VRK2: variants seen among roughly 807,000 people sequenced by gnomAD.
VRK2 encodes the protein VRK serine/threonine kinase 2.
In VRK2, 60 loss-of-function variants were observed where a neutral mutation model predicts 57.6. The ratio of observed to expected loss-of-function variants is 1.04; its 90% CI spans 0.85 to 1.29. VRK2 has a LOEUF of 1.29. Ranked by LOEUF, VRK2 falls within the 50% of genes most tolerant of loss-of-function variation. VRK2 has a pLI of 0.00. For missense variants in VRK2, 705 were observed against 588.1 expected (o/e 1.20, Z -2.06); for synonymous variants, 231 against 199.2 (o/e 1.16, Z -1.35).
intron 11 of VRK2, among the ~76,000 whole-genome samples, chr2:58,143,358 C>A (rs888709580): frequency 1.3e-5 from 2 of 151,834 alleles, no homozygotes; most frequent in African/African-American, 4.8e-5. Flanking sequence ...AAGGGATGCC[C>A]AGGGTGTTTT....
In VRK2 at chr2:58,159,408, C is replaced by T; in HGVS notation, c.1242C>T (p.Asn414=). ...QESQEPLNEV[N]SFPQKISYTQ... is the part of the protein sequence containing the mutation. Reference sequence around the variant, plus strand: ...CTCAAGAACCTTTGAATGAAGTAAACAGTTTCCCACAAAAAATCAGCTATA... The same window carrying T: ...CTCAAGAACCTTTGAATGAAGTAAATAGTTTCCCACAAAAAATCAGCTATA... Residue 414 remains asparagine (N), a synonymous_variant, in exon 13 of 13, where the codon AAC becomes AAT. Transcript: ENST00000340157. 1 of 1,613,400 alleles carries T rather than the reference C, an allele frequency of 6.2e-7. No homozygotes were observed. Among genetic ancestry groups the T allele is most frequent in the Non-Finnish European group, 8.5e-7 (1 of 1,179,668 alleles).
chr2:58,128,842 T>C (rs1202224474), intron 8 of VRK2, among the ~76,000 whole-genome samples: 2 of 152,240 alleles, frequency 1.3e-5, no homozygotes, highest in Non-Finnish European at 2.9e-5. Flanking sequence ...GTGCCAGGCA[T>C]AGTAGCGGCT....
intron 1 of VRK2, among the ~76,000 whole-genome samples, chr2:57,936,531 G>GTTTTTTTTTTTTTTTTTGT (rs539088139): frequency 7.4e-5 from 10 of 134,972 alleles, no homozygotes; most frequent in South Asian, 2.3e-4. Flanking sequence ...TTGTTTTTTT[G>GTTTTTTTTTTTTTTTTTGT]TTTTTTTTTT....
chr2:57,975,745 G>A (rs1243853920), intron 1 of VRK2, among the ~76,000 whole-genome samples: 2 of 151,334 alleles, frequency 1.3e-5, no homozygotes, highest in African/African-American at 4.9e-5. Context: ...GCCATATTTG[G>A]TTTTCTCTCT....
At chr2:57,928,083 G>A (rs749739486) in intron 1 of VRK2, among the ~76,000 whole-genome samples, 1 of 152,082 alleles carries the variant, frequency 6.6e-6, no homozygotes, top group South Asian at 2.1e-4. Flanking sequence ...CTAGGCTTGG[G>A]AAGTTCTCAG....
intron 1 of VRK2, among the ~76,000 whole-genome samples, chr2:58,005,219 C>A (rs534485951): frequency 1.4e-4 from 21 of 152,184 alleles, no homozygotes; most frequent in African/African-American, 5.1e-4. Flanking sequence ...CATGTTTACA[C>A]AGGGATTAAA....
chr2:58,154,624 T>A (rs1683515544), intron 12 of VRK2: 1 of 639,650 alleles, frequency 1.6e-6, no homozygotes, highest in African/African-American at 1.8e-5. Context: ...CGGTTCAATG[T>A]ATTTTTTAAT....
chr2:58,040,054 G>A (rs557876237), intron 3 of VRK2, among the ~76,000 whole-genome samples: 1 of 151,856 alleles, frequency 6.6e-6, no homozygotes, highest in Admixed American at 6.6e-5. Context: ...TGGGAATACA[G>A]GCACACACTA....
upstream of VRK2, chr2:58,046,717 A>G: frequency 1.0e-6 from 1 of 985,528 alleles, no homozygotes; most frequent in South Asian, 4.7e-5. Context: ...AGGCCGACGC[A>G]GCTGGAGAGA....
intron 1 of VRK2, chr2:58,047,249 T>C (rs927944634): frequency 4.3e-5 from 13 of 305,872 alleles, no homozygotes; most frequent in Admixed American, 1.3e-4. Context: ...TGGGCCGCGC[T>C]GCTTCTCGTT....
chr2:58,137,086 A>G (rs1242003133), intron 10 of VRK2, among the ~76,000 whole-genome samples: 2 of 121,586 alleles, frequency 1.6e-5, no homozygotes, highest in Non-Finnish European at 3.2e-5. Context: ...TAACATATAT[A>G]TGTGTATATA....
chr2:57,916,477 A>AT (rs1220681819), intron 1 of VRK2, among the ~76,000 whole-genome samples: 1 of 151,784 alleles, frequency 6.6e-6, no homozygotes, highest in Non-Finnish European at 1.5e-5. Context: ...AAACAACTGC[A>AT]TTTAACTTCA....
intron 10 of VRK2, among the ~76,000 whole-genome samples, chr2:58,136,883 C>T (rs1334340863): frequency 1.5e-4 from 15 of 98,624 alleles, no homozygotes; most frequent in Admixed American, 1.2e-3. Context: ...TATATTATAT[C>T]ATATATATGT....
intron 2 of VRK2, among the ~76,000 whole-genome samples, chr2:58,030,126 T>G (rs1356217872): frequency 6.6e-6 from 1 of 152,110 alleles, no homozygotes; most frequent in Non-Finnish European, 1.5e-5. Flanking sequence ...TGCTGTATTT[T>G]AGATTGTCTG....
chr2:57,938,560 G>C (rs1670992251), intron 1 of VRK2, among the ~76,000 whole-genome samples: 1 of 152,110 alleles, frequency 6.6e-6, no homozygotes, highest in Admixed American at 6.5e-5. Flanking sequence ...TCAGATTGAT[G>C]CTGATTGAAA....
intron 12 of VRK2, among the ~76,000 whole-genome samples, chr2:58,150,550 T>G (rs1270973162): frequency 2.2e-5 from 3 of 136,594 alleles, no homozygotes; most frequent in South Asian, 2.2e-4. Context: ...CAGCTTTGGT[T>G]TTTTTTTTTT....
chr2:57,944,500 G>A (rs1284157932), intron 1 of VRK2, among the ~76,000 whole-genome samples: 3 of 152,250 alleles, frequency 2.0e-5, no homozygotes, highest in African/African-American at 7.2e-5. Flanking sequence ...ACTTCGGGAG[G>A]CCGAGGCAGG....
chr2:58,048,376 G>A (rs961116822), intron 1 of VRK2, among the ~76,000 whole-genome samples: 3 of 152,142 alleles, frequency 2.0e-5, no homozygotes, highest in Non-Finnish European at 4.4e-5. Context: ...GCCATTGTCT[G>A]TGTCTTCCCA....
intron 8 of VRK2, among the ~76,000 whole-genome samples, chr2:58,128,485 C>T (rs1195663701): frequency 6.6e-6 from 1 of 152,084 alleles, no homozygotes; most frequent in African/African-American, 2.4e-5. Context: ...GTGTGTGCCA[C>T]AAAGCCCCGC....
Sources: gnomAD v4.1 joint callset for allele counts (sites outside exome capture counted in the v4.1 genomes callset) on GRCh38, gnomAD v4.1.1 for gene constraint, MANE v1.5 for transcripts, NCBI Gene and HGNC (gene_info 2026-07-23, HGNC 2026-07-21) for gene names.